Variants in NR2F2 observed in about 807,000 individuals in gnomAD.
NR2F2 encodes the protein nuclear receptor subfamily 2 group F member 2, also known as COUP transcription factor 2.
A neutral mutation model predicts 34.8 loss-of-function variants in NR2F2; 2 were observed. The ratio of observed to expected loss-of-function variants is 0.06; its 90% CI spans 0.02 to 0.18. The LOEUF (loss-of-function observed/expected upper bound fraction) is 0.18, where lower values mean the gene tolerates loss of function less well. Among genes scored for constraint, NR2F2 ranks in the 10% least tolerant of loss-of-function variants. The pLI is 1.00. For missense variants in NR2F2, 300 were observed against 580.1 expected (o/e 0.52, Z 4.96); for synonymous variants, 274 against 251.8 (o/e 1.09, Z -0.84).
upstream of NR2F2, among the ~76,000 whole-genome samples, chr15:96,328,151 C>T (rs1899041703): frequency 6.6e-6 from 1 of 152,112 alleles, no homozygotes; most frequent in African/African-American, 2.4e-5. Context: ...TCCCTTGTAA[C>T]AGCATTTCAT....
rs1899112841 is a variant in NR2F2, at chr15:96,330,819, T to TGCGC, written c.-1283_-1280dup. On this transcript the variant is annotated 5_prime_UTR_variant, in exon 1 of 3. Transcript: ENST00000394166. ...TTTCTCTCCGCGGTGTGTGTGTGCG[T>TGCGC]GCGCGCGTGTGTGTTTTCTTCTTCT... 8.9e-7 allele frequency: 1 copy of TGCGC among 1,118,058 alleles called. No individual in the cohort carries two copies. The highest frequency in any genetic ancestry group is 1.1e-6 in the Non-Finnish European group (1 of 907,350). The allele number at this position is 1,118,058 out of a possible 1,614,324, so 69.3% of individuals were successfully genotyped here.
chr15:96,328,938 C>T (rs548922647), upstream of NR2F2, among the ~76,000 whole-genome samples: 1 of 152,284 alleles, frequency 6.6e-6, no homozygotes, highest in East Asian at 1.9e-4. Flanking sequence ...GTCCTTACCT[C>T]ATATTCTGCC....
At chr15:96,333,276 G>A (rs1263852870) in intron 1 of NR2F2, 2 of 930,830 alleles carry the variant, frequency 2.1e-6, no homozygotes, top group Non-Finnish European at 2.6e-6. Context: ...CGCGGGGCGC[G>A]GGCTCCGGGT....
At chr15:96,335,758 G>A (rs1240041087) in intron 2 of NR2F2, among the ~76,000 whole-genome samples, 2 of 152,206 alleles carry the variant, frequency 1.3e-5, no homozygotes, top group Non-Finnish European at 2.9e-5. Context: ...CTTATTGTTC[G>A]AAAGAAGTCT....
At chr15:96,328,763 GCTT>G (rs1231763229), upstream of NR2F2, among the ~76,000 whole-genome samples, 1 of 137,258 alleles carries the variant, frequency 7.3e-6, no homozygotes, top group African/African-American at 2.8e-5. Context: ...GGTTTGCTGG[GCTT>G]TTTTTTTTTT....
In NR2F2 at chr15:96,331,930, A is replaced by C. The variant is rs529811394; in HGVS notation, c.-176A>C. 1,476 of 1,206,796 alleles carry C rather than the reference A, an allele frequency of 1.2e-3. 2 individuals carry two copies. The highest frequency in any genetic ancestry group is 1.4e-3 in the Non-Finnish European group (1,314 of 972,346). 74.8% of individuals were successfully genotyped at this position (1,206,796 alleles called of 1,614,324 possible). A position where few individuals can be genotyped will look rare whatever the true frequency, so the allele number is the denominator to read the frequency against. ...CAAAAGCAAAAACAAAAAAGGAAAA[A>C]CTAACCAACCTCAACCAACCAGCCC... On this transcript the variant is annotated 5_prime_UTR_variant, in exon 1 of 3. Transcript: ENST00000394166.
rs1596435362 is a variant in NR2F2 at position 96,339,636 on chromosome 15, C to T, written c.*2014C>T. ...CCAAATTAAGGAAGAGAAAGCAGGA[C>T]AGAGAAAAAGAAAGAAGGAAGGAGG... On this transcript the variant is annotated 3_prime_UTR_variant, in exon 3 of 3. Coordinates refer to ENST00000394166, the MANE Select transcript of NR2F2 (RefSeq NM_021005.4). 6.6e-6 allele frequency: 1 copy of T among 152,032 alleles called. No individual in the cohort carries two copies. Among genetic ancestry groups the T allele is most frequent in the Non-Finnish European group, 1.5e-5 (1 of 68,024 alleles). The allele number at this position is 152,032 out of a possible 1,614,324, so 9.4% of individuals were successfully genotyped here. A position where few individuals can be genotyped will look rare whatever the true frequency, so the allele number is the denominator to read the frequency against.
intron 2 of NR2F2, among the ~76,000 whole-genome samples, chr15:96,336,538 A>G (rs1329132406): frequency 6.6e-6 from 1 of 152,132 alleles, no homozygotes; most frequent in Non-Finnish European, 1.5e-5. Context: ...CACAACCTGA[A>G]CCGCCTTTAC....
chr15:96,328,280 T>C (rs1899044149), upstream of NR2F2, among the ~76,000 whole-genome samples: 1 of 152,240 alleles, frequency 6.6e-6, no homozygotes, highest in African/African-American at 2.4e-5. Context: ...TCCATTTTAA[T>C]CTAAGGCCAT....
chr15:96,338,027 A>G lies in NR2F2; in HGVS notation c.*405A>G. On this transcript the variant is annotated 3_prime_UTR_variant, in exon 3 of 3. Coordinates refer to ENST00000394166, the MANE Select transcript of NR2F2 (RefSeq NM_021005.4). Reference sequence around the variant, plus strand: ...ATTATTAATTGTCCTGTGTCTATGTACCTCTAGCTGTTCTTTTTTGTACTT... The same window carrying G: ...ATTATTAATTGTCCTGTGTCTATGTGCCTCTAGCTGTTCTTTTTTGTACTT... 1 of 144,824 alleles carries G rather than the reference A, an allele frequency of 6.9e-6. No homozygotes were observed. Among genetic ancestry groups the G allele is most frequent in the South Asian group, 1.9e-4 (1 of 5,268 alleles). The allele number at this position is 144,824 out of a possible 1,614,324, so 9.0% of individuals were successfully genotyped here.
Position 96,337,447 on chromosome 15 carries a change from C to T in NR2F2, c.1070C>T (p.Pro357Leu). 1 of 1,614,094 alleles carries T rather than the reference C, an allele frequency of 6.2e-7. No individual in the cohort carries two copies. The highest frequency in any genetic ancestry group is 8.5e-7 in the Non-Finnish European group (1 of 1,180,024). The change falls in exon 3 of 3, where the codon CCG (proline) becomes CTG (leucine). Residue 357 changes from proline (P) to leucine (L), a missense_variant. Around this residue, in one of 6 missense-constraint regions of NR2F2, gnomAD observed 164 missense variants for 365.3 expected, o/e 0.45. Coordinates refer to ENST00000394166, the MANE Select transcript of NR2F2 (RefSeq NM_021005.4). The part of the protein sequence containing the change: ...EYVRSQYPNQ[P>L]TRFGKLLLRL... ...GTTAGGAGCCAGTACCCCAACCAGCCGACGAGATTCGGAAAGCTTTTGCTT... is the reference window on the plus strand; with the variant it reads ...GTTAGGAGCCAGTACCCCAACCAGCTGACGAGATTCGGAAAGCTTTTGCTT...
At chr15:96,332,578 C>T (rs1330680084) in intron 1 of NR2F2, 31 bp downstream of exon 1, 1 of 1,598,602 alleles carries the variant, frequency 6.3e-7, no homozygotes, top group Admixed American at 1.7e-5. Flanking sequence ...CTTCCCTCGT[C>T]CTGGGTCCCG....
upstream of NR2F2, among the ~76,000 whole-genome samples, chr15:96,329,380 C>T (rs1035965758): frequency 6.6e-6 from 1 of 152,194 alleles, no homozygotes; most frequent in East Asian, 1.9e-4. Context: ...TATTTTAGCA[C>T]ATGGAGCAGA....
Position 96,334,377 on chromosome 15 carries a change from C to G in NR2F2, c.744C>G (p.Thr248=), listed in dbSNP as rs775539296. The G allele has an allele frequency of 2.8e-5, 45 of 1,614,212 alleles. No individual in the cohort carries two copies. The highest frequency in any genetic ancestry group is 3.6e-5 in the Non-Finnish European group (42 of 1,180,042). ...ITDQVALLRL[T]WSELFVLNAA... Reference sequence around the variant, plus strand: ...ACCAGGTGGCCCTGCTTCGCCTCACCTGGAGCGAGCTGTTTGTGTTGAATG... The same window carrying G: ...ACCAGGTGGCCCTGCTTCGCCTCACGTGGAGCGAGCTGTTTGTGTTGAATG... The change falls in exon 2 of 3, where the codon ACC becomes ACG. Residue 248 remains threonine, a synonymous_variant. Transcript: ENST00000394166.
upstream of NR2F2, chr15:96,326,921 G>A (rs1432494658): frequency 6.5e-6 from 1 of 153,240 alleles, no homozygotes; most frequent in Non-Finnish European, 1.5e-5. This position sits in a 1 kb window ranked among gnomAD's most constrained non-coding sequence, Gnocchi z 5.5. Context: ...GCTCGGTTAA[G>A]CTAGGAGGAG....
chr15:96,334,177 A>G lies in NR2F2; in HGVS notation c.544A>G (p.Ile182Val). The G allele has an allele frequency of 6.2e-7, 1 of 1,614,110 alleles. No homozygotes were observed. Residue 182 changes from isoleucine (I) to valine (V), a missense_variant, in exon 2 of 3, where the codon ATT becomes GTT. By Grantham distance (29) the Ile-to-Val change is conservative (BLOSUM62 3). Around this residue, in one of 6 missense-constraint regions of NR2F2, gnomAD observed 164 missense variants for 365.3 expected, o/e 0.45. Transcript: ENST00000394166. The part of the protein sequence containing the change: ...LNCHSYLSGY[I>V]SLLLRAEPYP... ...CTGCCACTCGTACCTGTCCGGATAT[A>G]TTTCCCTGCTGTTGCGCGCGGAGCC...
rs1899259735 is a variant in NR2F2, at chr15:96,334,544, C to T, written c.911C>T (p.Ala304Val). 1 of 1,613,268 alleles carries T rather than the reference C, an allele frequency of 6.2e-7. No homozygotes were observed. Among genetic ancestry groups the T allele is most frequent in the Non-Finnish European group, 8.5e-7 (1 of 1,179,860 alleles). The change falls in exon 2 of 3, where the codon GCG becomes GTG. Residue 304 changes from alanine to valine, a missense_variant. Physicochemically the swap from Ala to Val is moderately conservative, Grantham distance 64 (BLOSUM62 0). Transcript: ENST00000394166. Reference protein sequence around the residue: ...IFQEQVEKLKALHVDSAEYSC... With the variant: ...IFQEQVEKLKVLHVDSAEYSC... Reference sequence around the variant, plus strand: ...CAAGAGCAAGTGGAGAAGCTCAAGGCGCTGCACGTTGACTCAGCCGAGTAC... The same window carrying T: ...CAAGAGCAAGTGGAGAAGCTCAAGGTGCTGCACGTTGACTCAGCCGAGTAC...
At position 96,332,561 on chromosome 15, in the gene NR2F2, A is replaced by G. The variant is rs752703752; in HGVS notation, c.442+14A>G. 3 of 1,602,604 alleles carry G rather than the reference A, an allele frequency of 1.9e-6. No individual in the cohort carries two copies. Among genetic ancestry groups the G allele is most frequent in the Admixed American group, 1.7e-5 (1 of 59,810 alleles). The stretch of plus-strand genomic sequence containing the variant: ...TGAGACGGGAAGGTATCGGCCTCTC[A>G]TTTCTCCTTCCCTCGTCCTGGGTCC... On this transcript the variant is annotated intron_variant, in intron 1 of 2. Coordinates refer to ENST00000394166, the MANE Select transcript of NR2F2 (RefSeq NM_021005.4).
At position 96,333,561 on chromosome 15, in the gene NR2F2, T is replaced by TG. The variant is rs950809547; in HGVS notation, c.443-508dup. 132 of 1,013,922 alleles carry TG rather than the reference T, an allele frequency of 1.3e-4. No individual in the cohort carries two copies. In the African/African-American group the frequency reaches 1.4e-3, roughly 11 times the overall value. 62.8% of individuals were successfully genotyped at this position (1,013,922 alleles called of 1,614,324 possible). A position where few individuals can be genotyped will look rare whatever the true frequency, so the allele number is the denominator to read the frequency against. ...CCTCCGCTCTCTGCTTGTCTCTCAC[T>TG]GGGGGGGTTCCCCGCCGGGCTGGGG... On this transcript the variant is annotated intron_variant, in intron 1 of 2. Coordinates refer to ENST00000394166, the MANE Select transcript of NR2F2 (RefSeq NM_021005.4).
Sources: allele counts gnomAD v4.1 joint callset (sites outside exome capture counted in the v4.1 genomes callset), GRCh38; gene constraint gnomAD v4.1.1; regional missense constraint gnomAD v4.1.1; non-coding constraint Gnocchi (gnomAD v3.1); transcripts MANE v1.5; gene names NCBI Gene and HGNC (gene_info 2026-07-23, HGNC 2026-07-21).